Variants in SPAG16 observed in about 807,000 individuals in gnomAD.
SPAG16 encodes the protein sperm associated antigen 16, also known as sperm-associated antigen 16 protein.
A neutral mutation model predicts 80.4 loss-of-function variants in SPAG16; 86 were observed. That is an observed-to-expected ratio of 1.07 (90% CI 0.90 to 1.28). SPAG16 has a LOEUF of 1.28. SPAG16 is among the 50% of genes most tolerant of loss of function. The probability of loss-of-function intolerance (pLI) is 0.00; values close to 1 mark genes in which losing one functional copy is unlikely to be tolerated. For synonymous variants in SPAG16, 294 were observed against 265.9 expected, an observed-to-expected ratio of 1.11 and a Z score of -1.03; for missense variants, 870 against 765.3, an observed-to-expected ratio of 1.14 and a Z score of -1.61.
At chr2:214,108,481 C>CACACACACACA (rs879629337) in intron 14 of SPAG16, among the ~76,000 whole-genome samples, 10 of 74,860 alleles carry the variant, frequency 1.3e-4, no homozygotes, top group African/African-American at 2.1e-4. Flanking sequence ...ACACACACAC[C>CACACACACACA]CCCACACACA....
At chr2:214,232,060 C>T (rs985513997) in intron 15 of SPAG16, among the ~76,000 whole-genome samples, 4 of 151,800 alleles carry the variant, frequency 2.6e-5, no homozygotes, top group African/African-American at 9.7e-5. Context: ...ATAGAACAAA[C>T]ATTTAATATC....
Position 213,299,342 on chromosome 2 carries a change from G to A in SPAG16, c.279+1985G>A, listed in dbSNP as rs541972618. ...TTTTGAGACGGAGTCTCACTCTGTC[G>A]CCCAGGCTGGAGTCCAGTGGCGCAA... is the stretch of plus-strand genomic sequence containing the variant. On this transcript the variant is annotated intron_variant, in intron 3 of 15. Coordinates refer to ENST00000331683, the MANE Select transcript of SPAG16 (RefSeq NM_024532.5). Among the ~76,000 whole-genome samples, 586 of 147,098 alleles carry A rather than the reference G, an allele frequency of 4.0e-3. 5 individuals carry two copies. The highest frequency in any genetic ancestry group is 6.1e-3 in the Non-Finnish European group (407 of 67,160).
chr2:213,925,362 T>TC (rs2078421801), intron 11 of SPAG16, among the ~76,000 whole-genome samples: 1 of 151,652 alleles, frequency 6.6e-6, no homozygotes, highest in African/African-American at 2.4e-5. Flanking sequence ...TTCCTTTTTT[T>TC]TTTTTTTGAG....
intron 15 of SPAG16, among the ~76,000 whole-genome samples, chr2:214,324,727 C>G (rs1696350536): frequency 6.6e-6 from 1 of 152,106 alleles, no homozygotes; most frequent in Non-Finnish European, 1.5e-5. Context: ...CATCCCACCC[C>G]CTCCTTTCTC....
chr2:213,305,821 TTGTC>T (rs2062918842), intron 3 of SPAG16, among the ~76,000 whole-genome samples: 1 of 152,166 alleles, frequency 6.6e-6, no homozygotes, highest in Non-Finnish European at 1.5e-5. Context: ...TAACATGTCT[TTGTC>T]TGGCCTTGAT....
At chr2:213,859,178 CAAAAAAAAAAAAAAAAA>C (rs1165853142) in intron 10 of SPAG16, among the ~76,000 whole-genome samples, 11 of 9,368 alleles carry the variant, frequency 1.2e-3, no homozygotes, top group African/African-American at 5.4e-3. Flanking sequence ...CACTCCGTCT[CAAAAAAAAAAAAAAAAA>C]AAAAAAAAAA....
intron 13 of SPAG16, among the ~76,000 whole-genome samples, chr2:214,075,338 C>A (rs550066854): frequency 5.8e-4 from 88 of 151,914 alleles, no homozygotes; most frequent in African/African-American, 2.1e-3. Context: ...CATTATTGTA[C>A]ATTAATTATG....
At chr2:213,745,177 ACTAT>A (rs2067759227) in intron 10 of SPAG16, among the ~76,000 whole-genome samples, 1 of 152,206 alleles carries the variant, frequency 6.6e-6, no homozygotes, top group African/African-American at 2.4e-5. Flanking sequence ...ATTTTAAAAA[ACTAT>A]CTATACTACA....
chr2:213,391,782 A>T (rs760133510), intron 9 of SPAG16, among the ~76,000 whole-genome samples: 5 of 152,192 alleles, frequency 3.3e-5, no homozygotes, highest in African/African-American at 4.8e-5. Context: ...ATTACTTTTT[A>T]ACTACTTTAG....
chr2:214,109,300 T>A (rs1177061887), intron 14 of SPAG16, among the ~76,000 whole-genome samples: 2 of 152,182 alleles, frequency 1.3e-5, no homozygotes, highest in African/African-American at 4.8e-5. Context: ...CAGATAGTAA[T>A]CAAAGAAGGA....
At chr2:214,257,169 G>A (rs1690749492) in intron 15 of SPAG16, among the ~76,000 whole-genome samples, 1 of 151,566 alleles carries the variant, frequency 6.6e-6, no homozygotes, top group African/African-American at 2.4e-5. Flanking sequence ...TTTATATATA[G>A]AATTCTCTAA....
At chr2:213,968,550 A>G (rs557025819) in intron 12 of SPAG16, among the ~76,000 whole-genome samples, 15 of 152,314 alleles carry the variant, frequency 9.8e-5, no homozygotes, top group African/African-American at 3.4e-4. Context: ...TGAAGAATTC[A>G]TTGGGCTTAG....
intron 15 of SPAG16, among the ~76,000 whole-genome samples, chr2:214,377,817 C>G (rs1304615781): frequency 6.6e-6 from 1 of 152,172 alleles, no homozygotes; most frequent in East Asian, 1.9e-4. Flanking sequence ...CTATGTTAAG[C>G]AGGTGTGGCA....
intron 11 of SPAG16, among the ~76,000 whole-genome samples, chr2:213,867,929 A>AAAAAAAAAAG: frequency 1.2e-5 from 1 of 81,550 alleles, no homozygotes; most frequent in Non-Finnish European, 2.9e-5. Context: ...GTCTCAACAA[A>AAAAAAAAAAG]AAAAAAAAAA....
intron 15 of SPAG16, among the ~76,000 whole-genome samples, chr2:214,237,581 C>G (rs1159687956): frequency 6.6e-6 from 1 of 152,058 alleles, no homozygotes; most frequent in Non-Finnish European, 1.5e-5. Flanking sequence ...ATAGTCATCT[C>G]TTTCATTACT....
In SPAG16 at chr2:213,313,318, A is replaced by T. The variant is rs546715486; in HGVS notation, c.398+3141A>T. Among the ~76,000 whole-genome samples, 14 of 152,036 alleles carry T rather than the reference A, an allele frequency of 9.2e-5. No homozygotes were observed. In the East Asian group the frequency reaches 2.3e-3, roughly 25 times the overall value. ...ATAACATGTTTATTAAATATGAGGG[A>T]TTTAAAAATATTTAAGAAGGTGAAG... On this transcript the variant is annotated intron_variant, in intron 4 of 15. Coordinates refer to ENST00000331683, the MANE Select transcript of SPAG16 (RefSeq NM_024532.5).
At chr2:214,181,170 T>G (rs925766730) in intron 15 of SPAG16, among the ~76,000 whole-genome samples, 1 of 151,796 alleles carries the variant, frequency 6.6e-6, no homozygotes, top group Non-Finnish European at 1.5e-5. Flanking sequence ...AGAGAACATC[T>G]GAGAAGAAAG....
chr2:214,176,423 A>G (rs73987194), intron 15 of SPAG16, among the ~76,000 whole-genome samples: 7,852 of 151,396 alleles, frequency 0.052, 706 homozygotes, highest in African/African-American at 0.18. Context: ...ACAGATCTTA[A>G]TATGCCCCTC....
At chr2:213,726,417 C>G (rs547388977) in intron 10 of SPAG16, among the ~76,000 whole-genome samples, 1 of 152,286 alleles carries the variant, frequency 6.6e-6, no homozygotes, top group South Asian at 2.1e-4. Flanking sequence ...CTGAACACCA[C>G]CATTCCTATC....
Sources: allele counts gnomAD v4.1 joint callset (sites outside exome capture counted in the v4.1 genomes callset), GRCh38; gene constraint gnomAD v4.1.1; transcripts MANE v1.5; gene names NCBI Gene and HGNC (gene_info 2026-07-23, HGNC 2026-07-21).